Variants in RNF24 observed in about 807,000 individuals in gnomAD.
RNF24 encodes ring finger protein 24.
A neutral mutation model predicts 20.0 loss-of-function variants in RNF24; 14 were observed. The ratio of observed to expected loss-of-function variants is 0.70; its 90% confidence interval spans 0.46 to 1.10. The LOEUF (loss-of-function observed/expected upper bound fraction) is 1.10. Ranked by LOEUF, RNF24 falls within the 50% of genes least tolerant of loss-of-function variation. The pLI is 0.00. For synonymous variants in RNF24, 45 were observed against 61.1 expected, an observed-to-expected ratio of 0.74 and a Z score of 1.23; for missense variants, 124 against 177.6, an observed-to-expected ratio of 0.70 and a Z score of 1.71.
intron 3 of RNF24, among the ~76,000 whole-genome samples, chr20:3,947,995 G>A (rs1339407757): frequency 6.6e-6 from 1 of 151,160 alleles, no homozygotes; most frequent in Non-Finnish European, 1.5e-5. Context: ...GCTGTGAGCC[G>A]AGATCACGCC....
intron 2 of RNF24, among the ~76,000 whole-genome samples, chr20:3,957,356 G>C: frequency 6.6e-6 from 1 of 151,526 alleles, no homozygotes; most frequent in Non-Finnish European, 1.5e-5. Flanking sequence ...AGCTACTTGA[G>C]AGGCTGAGGT....
chr20:3,946,379 A>G (rs762164425), intron 3 of RNF24, among the ~76,000 whole-genome samples: 1 of 152,198 alleles, frequency 6.6e-6, no homozygotes, highest in Non-Finnish European at 1.5e-5. Context: ...ACCTGAGCCC[A>G]GGAGGCAGAG....
chr20:3,984,664 GA>G (rs898212499), intron 1 of RNF24, among the ~76,000 whole-genome samples: 1 of 152,230 alleles, frequency 6.6e-6, no homozygotes, highest in African/African-American at 2.4e-5. Flanking sequence ...TCAAAAGGCA[GA>G]CAGCTAGGCA....
chr20:3,942,072 TC>T (rs1248505317), intron 4 of RNF24, among the ~76,000 whole-genome samples: 1 of 137,626 alleles, frequency 7.3e-6, no homozygotes, highest in Non-Finnish European at 1.5e-5. Context: ...AGACTCTATC[TC>T]AAAAAAGAAA....
At chr20:3,998,724 C>G (rs1360784200) in intron 1 of RNF24, among the ~76,000 whole-genome samples, 1 of 150,612 alleles carries the variant, frequency 6.6e-6, no homozygotes, top group East Asian at 2.0e-4. Context: ...CCATTGTACT[C>G]TAGCCTGGGT....
intron 4 of RNF24, among the ~76,000 whole-genome samples, chr20:3,939,031 G>A (rs2090924401): frequency 6.6e-6 from 1 of 152,010 alleles, no homozygotes; most frequent in African/African-American, 2.4e-5. Context: ...GGGATTACAG[G>A]AGTGAGCCTC....
At chr20:3,990,380 G>A (rs1346775960) in intron 1 of RNF24, among the ~76,000 whole-genome samples, 1 of 152,034 alleles carries the variant, frequency 6.6e-6, no homozygotes, top group African/African-American at 2.4e-5. Flanking sequence ...CTTACCTATT[G>A]ACCCAGCAAT....
At chr20:3,975,563 G>A (rs1365603567) in intron 1 of RNF24, among the ~76,000 whole-genome samples, 10 of 150,256 alleles carry the variant, frequency 6.7e-5, no homozygotes, top group Admixed American at 2.0e-4. Flanking sequence ...AACCAGTTAT[G>A]GGTTGAATTG....
intron 2 of RNF24, 39 bp downstream of exon 2, chr20:3,963,829 GATTATTT>G: frequency 1.4e-6 from 2 of 1,426,278 alleles, no homozygotes; most frequent in Non-Finnish European, 1.9e-6. Context: ...CTTGATTATT[GATTATTT>G]AACATATTTT....
chr20:4,008,359 TAA>T (rs1982065364), intron 1 of RNF24, among the ~76,000 whole-genome samples: 2 of 21,720 alleles, frequency 9.2e-5, no homozygotes, highest in Non-Finnish European at 2.2e-4. Flanking sequence ...GTAATATGTA[TAA>T]TATATATATT....
intron 1 of RNF24, among the ~76,000 whole-genome samples, chr20:3,996,034 A>G (rs1980837383): frequency 2.6e-5 from 4 of 152,220 alleles, no homozygotes; most frequent in Non-Finnish European, 5.9e-5. Flanking sequence ...TGAAGACTAT[A>G]CAAGTTTGTA....
intron 1 of RNF24, among the ~76,000 whole-genome samples, chr20:3,998,208 A>G (rs906162284): frequency 1.3e-5 from 2 of 152,200 alleles, no homozygotes; most frequent in Non-Finnish European, 2.9e-5. Context: ...TGGGAGGCCA[A>G]GGCGGGCGGA....
chr20:3,968,856 T>G (rs2091285855), intron 1 of RNF24, among the ~76,000 whole-genome samples: 1 of 152,084 alleles, frequency 6.6e-6, no homozygotes, highest in South Asian at 2.1e-4. Context: ...TTTGGACAGA[T>G]CCTAGTAAAA....
At chr20:3,991,798 TTATATA>T (rs1600702329) in intron 1 of RNF24, among the ~76,000 whole-genome samples, 1 of 152,268 alleles carries the variant, frequency 6.6e-6, no homozygotes, top group African/African-American at 2.4e-5. Context: ...ACATTTATAA[TTATATA>T]TAAATTGTTT....
At chr20:3,986,746 C>T (rs1211455510) in intron 1 of RNF24, among the ~76,000 whole-genome samples, 2 of 151,118 alleles carry the variant, frequency 1.3e-5, no homozygotes, top group African/African-American at 4.9e-5. Flanking sequence ...CTCTCGGGTT[C>T]AAGCAAATTT....
intron 4 of RNF24, among the ~76,000 whole-genome samples, chr20:3,937,129 G>A (rs569141099): frequency 6.6e-6 from 1 of 152,198 alleles, no homozygotes; most frequent in South Asian, 2.1e-4. Flanking sequence ...GAGCCACTGC[G>A]CCCAGCCCCA....
chr20:3,950,617 T>C (rs894611433), intron 2 of RNF24, among the ~76,000 whole-genome samples: 1 of 152,244 alleles, frequency 6.6e-6, no homozygotes, highest in Non-Finnish European at 1.5e-5. Flanking sequence ...ATGTACCTTG[T>C]GTCAATATCA....
chr20:4,014,786 T>A (rs7270276), intron 1 of RNF24, among the ~76,000 whole-genome samples: 4,177 of 149,470 alleles, frequency 0.028, 137 homozygotes, highest in African/African-American at 0.077. Context: ...CATCATTAGG[T>A]CTCCAGAAAC....
At chr20:3,966,243 G>A (rs1010970266) in intron 1 of RNF24, among the ~76,000 whole-genome samples, 12 of 151,938 alleles carry the variant, frequency 7.9e-5, no homozygotes, top group Admixed American at 1.3e-4. Context: ...GTAGAAAGAC[G>A]GAGAGGTTTG....
Sources: gnomAD v4.1 joint callset for allele counts (sites outside exome capture counted in the v4.1 genomes callset) on GRCh38, gnomAD v4.1.1 for gene constraint, MANE v1.5 for transcripts, NCBI Gene and HGNC (gene_info 2026-07-23, HGNC 2026-07-21) for gene names.